The following SPDEF variants were observed in gnomAD, a reference collection of about 807,000 sequenced individuals.
SPDEF encodes the protein SAM pointed domain containing ETS transcription factor.
In SPDEF, 12 loss-of-function variants were observed where a neutral mutation model predicts 36.0. The ratio of observed to expected loss-of-function variants is 0.33; its 90% CI spans 0.21 to 0.54. The LOEUF is 0.54. SPDEF is among the 20% of genes least tolerant of loss of function. The probability of loss-of-function intolerance (pLI) is 0.93; values close to 1 mark genes in which losing one functional copy is unlikely to be tolerated. For missense variants in SPDEF, 388 were observed against 456.9 expected (o/e 0.85, Z 1.37); for synonymous variants, 205 against 193.0 (o/e 1.06, Z -0.51).
In SPDEF at chr6:34,555,378, T is replaced by C. The variant is rs1768147087; in HGVS notation, c.-30+551A>G. Among the ~76,000 whole-genome samples, 1 of 151,994 alleles carries C rather than the reference T, an allele frequency of 6.6e-6. No homozygotes were observed. Among genetic ancestry groups the C allele is most frequent in the Non-Finnish European group, 1.5e-5 (1 of 67,984 alleles). Reference sequence around the variant, plus strand: ...GTGCTCAGCGGTGACCCCAGCCCCCTGGTTCCTGTGCCCATCCCTGCCCAG... The same window carrying C: ...GTGCTCAGCGGTGACCCCAGCCCCCCGGTTCCTGTGCCCATCCCTGCCCAG... On this transcript the variant is annotated intron_variant, in intron 1 of 5. Coordinates refer to ENST00000374037, the MANE Select transcript of SPDEF (RefSeq NM_012391.3). The surrounding 1 kb of genome is among the most constrained non-coding windows in gnomAD (Gnocchi z 5.2).
At position 34,555,509 on chromosome 6, in the gene SPDEF, C is replaced by T. The variant is rs781071175; in HGVS notation, c.-30+420G>A. ...CAGCAAGCCCCTGCCCACTGGTGGC[C>T]TGGCACCAGGGAGACCCTTTCCTCA... is the stretch of plus-strand genomic sequence containing the variant. On this transcript the variant is annotated intron_variant, in intron 1 of 5. Coordinates refer to ENST00000374037, the MANE Select transcript of SPDEF (RefSeq NM_012391.3). The surrounding 1 kb of genome is among the most constrained non-coding windows in gnomAD (Gnocchi z 5.2). Among the ~76,000 whole-genome samples, 15 of 152,230 alleles carry T rather than the reference C, an allele frequency of 9.9e-5. No individual in the cohort carries two copies. Among genetic ancestry groups the T allele is most frequent in the Non-Finnish European group, 1.9e-4 (13 of 68,034 alleles).
rs943957712 is a variant in SPDEF at position 34,541,243 on chromosome 6, G to A, written c.437-62C>T. 1.2e-5 allele frequency: 17 copies of A among 1,469,918 alleles called. No individual in the cohort carries two copies. In the African/African-American group the frequency reaches 2.1e-4, roughly 18 times the overall value. The allele number at this position is 1,469,918 out of a possible 1,614,324, so 91.1% of individuals were successfully genotyped here. On this transcript the variant is annotated intron_variant, in intron 2 of 5. Transcript: ENST00000374037. Reference sequence around the variant, plus strand: ...TGAGAGCACCACCCTGCTGTGATGGGGCACCCATGGGAACCTGTGGCCTGA... The same window carrying A: ...TGAGAGCACCACCCTGCTGTGATGGAGCACCCATGGGAACCTGTGGCCTGA...
At position 34,544,761 on chromosome 6, in the gene SPDEF, G is replaced by A. The variant is rs1184175441; in HGVS notation, c.-29-277C>T. ...CTGGGAGCAGCAAAGCTCCACACAT[G>A]TACTGTGCTTAAAACAGCCTTCTGA... On this transcript the variant is annotated intron_variant, in intron 1 of 5. Transcript: ENST00000374037. This position sits in a 1 kb window ranked among gnomAD's most constrained non-coding sequence, Gnocchi z 4.4. 9.9e-5 allele frequency among the ~76,000 whole-genome samples: 15 copies of A among 152,218 alleles called. No individual in the cohort carries two copies. Among genetic ancestry groups the A allele is most frequent in the Admixed American group, 9.8e-4 (15 of 15,286 alleles).
chr6:34,550,731 G>A (rs1582005736), intron 1 of SPDEF, among the ~76,000 whole-genome samples: 1 of 152,188 alleles, frequency 6.6e-6, no homozygotes. Flanking sequence ...GGAAGTACAG[G>A]GGAGTGGGTG....
rs1398272044 is a variant in SPDEF, at chr6:34,544,831, G to A, written c.-29-347C>T. Among the ~76,000 whole-genome samples, 4 of 152,328 alleles carry A rather than the reference G, an allele frequency of 2.6e-5. No individual in the cohort carries two copies. The East Asian group carries it at 5.8e-4, about 22-fold the overall frequency. On this transcript the variant is annotated intron_variant, in intron 1 of 5. Coordinates refer to ENST00000374037, the MANE Select transcript of SPDEF (RefSeq NM_012391.3). The surrounding 1 kb of genome is among the most constrained non-coding windows in gnomAD (Gnocchi z 4.4). ...CCCTCACAATGGAAGGCATGATTGCGCCATTTGGCGGATGAGCAAACTGAG... is the reference window on the plus strand; with the variant it reads ...CCCTCACAATGGAAGGCATGATTGCACCATTTGGCGGATGAGCAAACTGAG...
rs139343558 is a variant in SPDEF, at chr6:34,545,832, C to G, written c.-29-1348G>C. On this transcript the variant is annotated intron_variant, in intron 1 of 5. Transcript: ENST00000374037. ...TCGGGAGGCTGAGGGAGGAGAATCACTTGAACCCAGGAGGCGGCTGCAGTG... is the reference window on the plus strand; with the variant it reads ...TCGGGAGGCTGAGGGAGGAGAATCAGTTGAACCCAGGAGGCGGCTGCAGTG... Among the ~76,000 whole-genome samples the G allele has an allele frequency of 3.8e-3, 571 of 152,090 alleles. 4 individuals are homozygous for G. Among genetic ancestry groups the G allele is most frequent in the Middle Eastern group, 0.034 (10 of 294 alleles).
chr6:34,541,315 CCT>C (rs1767818584), intron 2 of SPDEF, 134 bp from the exon 3 acceptor site: 2 of 809,462 alleles, frequency 2.5e-6, no homozygotes, highest in Non-Finnish European at 3.8e-6. Context: ...CAGACAGGCC[CCT>C]GAGGGCCCCT....
At position 34,539,607 on chromosome 6, in the gene SPDEF, A is replaced by T. The variant is rs1334925708; in HGVS notation, c.635-45T>A. ...GGTTGGGGACCCAGGAGAGGCCCCG[A>T]GGGTGGAGGAGGGGAGGCGTTTGGG... On this transcript the variant is annotated intron_variant, in intron 3 of 5. Coordinates refer to ENST00000374037, the MANE Select transcript of SPDEF (RefSeq NM_012391.3). The surrounding 1 kb of genome is among the most constrained non-coding windows in gnomAD (Gnocchi z 5.2). 3 of 1,547,560 alleles carry T rather than the reference A, an allele frequency of 1.9e-6. No homozygotes were observed. The African/African-American group carries it at 4.1e-5, about 21-fold the overall frequency.
rs778337360 is a variant in SPDEF at position 34,541,034 on chromosome 6, G to A, written c.584C>T (p.Ser195Leu). The A allele has an allele frequency of 4.3e-6, 7 of 1,612,368 alleles. No homozygotes were observed. Among genetic ancestry groups the A allele is most frequent in the East Asian group, 2.2e-5 (1 of 44,876 alleles). ...AMSEEQFRQR[S>L]PLGGDVLHAH... ...GTGCAGCACATCCCCACCCAGGGGCGAGCGCTGGCGGAACTGCTCCTCCGA... is the reference window on the plus strand; with the variant it reads ...GTGCAGCACATCCCCACCCAGGGGCAAGCGCTGGCGGAACTGCTCCTCCGA... Residue 195 changes from serine (S) to leucine (L), a missense_variant, in exon 3 of 6, where the codon TCG becomes TTG. Ser to Leu is a moderately radical substitution (Grantham distance 145). Around this residue, in one of 2 missense-constraint regions of SPDEF, gnomAD observed 308 missense variants for 326.1 expected, o/e 0.94. Transcript: ENST00000374037.
Position 34,553,413 on chromosome 6 carries a change from A to G in SPDEF, c.-30+2516T>C, listed in dbSNP as rs146483461. Among the ~76,000 whole-genome samples the G allele has an allele frequency of 6.1e-3, 846 of 138,926 alleles. 8 individuals carry two copies. Among genetic ancestry groups the G allele is most frequent in the African/African-American group, 0.018 (688 of 38,794 alleles). The allele number at this position is 138,926 out of a possible 152,430, so 91.1% of individuals were successfully genotyped here. A position where few individuals can be genotyped will look rare whatever the true frequency, so the allele number is the denominator to read the frequency against. On this transcript the variant is annotated intron_variant, in intron 1 of 5. Transcript: ENST00000374037. ...CTTGGCTGGGGGCACAGGGTGGGGC[A>G]TGAACGGGGTGGGGGTGGGGACCAG...
In SPDEF at chr6:34,552,836, C is replaced by G. The variant is rs1337224453; in HGVS notation, c.-30+3093G>C. Among the ~76,000 whole-genome samples, 1 of 152,080 alleles carries G rather than the reference C, an allele frequency of 6.6e-6. No individual in the cohort carries two copies. The highest frequency in any genetic ancestry group is 1.5e-5 in the Non-Finnish European group (1 of 68,018). On this transcript the variant is annotated intron_variant, in intron 1 of 5. Transcript: ENST00000374037. This position sits in a 1 kb window ranked among gnomAD's most constrained non-coding sequence, Gnocchi z 4.6. ...TATTAAGGGGTTATCAGGACCGGTTCCCACCTGTGAAGTGTCAGCAGAGAC... is the reference window on the plus strand; with the variant it reads ...TATTAAGGGGTTATCAGGACCGGTTGCCACCTGTGAAGTGTCAGCAGAGAC...
Position 34,539,726 on chromosome 6 carries a change from A to G in SPDEF, c.635-164T>C, listed in dbSNP as rs575408174. Among the ~76,000 whole-genome samples the G allele has an allele frequency of 6.6e-6, 1 of 152,324 alleles. No homozygotes were observed. Among genetic ancestry groups the G allele is most frequent in the South Asian group, 2.1e-4 (1 of 4,828 alleles). ...AACCTGGGGAGGCAAGCTGGTTACA[A>G]GAAGCTGCTTCCTGGAAGAAAATTC... is the stretch of plus-strand genomic sequence containing the variant. On this transcript the variant is annotated intron_variant, in intron 3 of 5. Transcript: ENST00000374037. The surrounding 1 kb of genome is among the most constrained non-coding windows in gnomAD (Gnocchi z 5.2).
In SPDEF at chr6:34,555,435, T is replaced by C. The variant is rs1768147764; in HGVS notation, c.-30+494A>G. On this transcript the variant is annotated intron_variant, in intron 1 of 5. Coordinates refer to ENST00000374037, the MANE Select transcript of SPDEF (RefSeq NM_012391.3). The surrounding 1 kb of genome is among the most constrained non-coding windows in gnomAD (Gnocchi z 5.2). ...TACTGGGCTCTGGACCTGTCTCCCC[T>C]GTCCCGAACTGGACCCGGCCTTAGA... Among the ~76,000 whole-genome samples, 1 of 152,090 alleles carries C rather than the reference T, an allele frequency of 6.6e-6. No homozygotes were observed. The highest frequency in any genetic ancestry group is 2.1e-4 in the South Asian group (1 of 4,822).
chr6:34,539,032 C>T lies in SPDEF; in HGVS notation c.829+218G>A, dbSNP rs532664574. 5.6e-4 allele frequency among the ~76,000 whole-genome samples: 85 copies of T among 152,304 alleles called. 2 individuals are homozygous for T. The highest frequency in any genetic ancestry group is 2.0e-3 in the African/African-American group (84 of 41,548). ...CAGGTGCTGTGCAGTACTAAAACTC[C>T]TAAGTGAGACAGAGTCTAGCAGGAG... On this transcript the variant is annotated intron_variant, in intron 5 of 5. Coordinates refer to ENST00000374037, the MANE Select transcript of SPDEF (RefSeq NM_012391.3). The surrounding 1 kb of genome is among the most constrained non-coding windows in gnomAD (Gnocchi z 5.2).
At position 34,555,751 on chromosome 6, in the gene SPDEF, G is replaced by A. The variant is rs1005010012; in HGVS notation, c.-30+178C>T. On this transcript the variant is annotated intron_variant, in intron 1 of 5. Coordinates refer to ENST00000374037, the MANE Select transcript of SPDEF (RefSeq NM_012391.3). The surrounding 1 kb of genome is among the most constrained non-coding windows in gnomAD (Gnocchi z 5.2). ...CAGAGAGGCAGTCTGGGGAGCATGA[G>A]GAGGGGGCAAGGAATTCTGAGGGTA... is the stretch of plus-strand genomic sequence containing the variant. 6.6e-6 allele frequency among the ~76,000 whole-genome samples: 1 copy of A among 152,166 alleles called. No homozygotes were observed.
intron 2 of SPDEF, among the ~76,000 whole-genome samples, chr6:34,541,821 G>T (rs1767828870): frequency 6.6e-6 from 1 of 152,236 alleles, no homozygotes; most frequent in African/African-American, 2.4e-5. Flanking sequence ...GGAGCCCTTG[G>T]CTAGGTCCTA....
intron 3 of SPDEF, among the ~76,000 whole-genome samples, chr6:34,540,539 G>A (rs1224843354): frequency 6.6e-6 from 1 of 151,908 alleles, no homozygotes; most frequent in African/African-American, 2.4e-5. Flanking sequence ...GAAGCTGGGG[G>A]TCGGGAGCGG....
At chr6:34,551,127 C>T (rs1033302377) in intron 1 of SPDEF, among the ~76,000 whole-genome samples, 2 of 152,204 alleles carry the variant, frequency 1.3e-5, no homozygotes, top group Admixed American at 6.5e-5. Flanking sequence ...ACTCAAGACT[C>T]GGCTCCACCC....
intron 2 of SPDEF, among the ~76,000 whole-genome samples, 167 bp downstream of exon 2, chr6:34,543,853 G>A (rs142102867): frequency 6.6e-6 from 1 of 152,164 alleles, no homozygotes; most frequent in Admixed American, 6.5e-5. Flanking sequence ...AACCTTCCTG[G>A]CCCAGGCTCA....
Sources: allele counts gnomAD v4.1 joint callset (sites outside exome capture counted in the v4.1 genomes callset), GRCh38; gene constraint gnomAD v4.1.1; regional missense constraint gnomAD v4.1.1; non-coding constraint Gnocchi (gnomAD v3.1); transcripts MANE v1.5; gene names NCBI Gene and HGNC (gene_info 2026-07-23, HGNC 2026-07-21).